DRD3: variants seen among roughly 807,000 people sequenced by gnomAD.
DRD3 encodes the protein D(3) dopamine receptor.
In DRD3, 19 loss-of-function variants were observed where a neutral mutation model predicts 36.3. The observed-to-expected ratio is 0.52, with a 90% confidence interval of 0.36 to 0.77. The LOEUF (loss-of-function observed/expected upper bound fraction) is 0.77. Ranked by LOEUF, DRD3 falls within the 30% of genes least tolerant of loss-of-function variation. The pLI, the probability that DRD3 is intolerant of heterozygous loss-of-function variation, is 0.00. For synonymous variants in DRD3, 195 were observed against 203.7 expected (o/e 0.96, Z 0.36); for missense variants, 465 against 505.3 (o/e 0.92, Z 0.77).
intron 4 of DRD3, 151 bp from the exon 5 acceptor site, chr3:114,139,847 G>T (rs918801611): frequency 1.6e-6 from 1 of 642,664 alleles, no homozygotes; most frequent in African/African-American, 1.8e-5. Context: ...ATACTGTCAG[G>T]TCCTTGAGGG....
chr3:114,141,258 T>G (rs1462786068), intron 4 of DRD3, among the ~76,000 whole-genome samples: 1 of 152,100 alleles, frequency 6.6e-6, no homozygotes, highest in Non-Finnish European at 1.5e-5. Flanking sequence ...GGTCTCAAAC[T>G]CCCCACCTCA....
intron 1 of DRD3, chr3:114,176,168 C>T (rs1312761529): frequency 6.6e-6 from 1 of 152,192 alleles, no homozygotes; most frequent in Admixed American, 6.5e-5. Context: ...TTAAGACTTA[C>T]AGAGTTTTAA....
chr3:114,155,629 GCTT>G (rs2077659699), intron 3 of DRD3, among the ~76,000 whole-genome samples: 1 of 152,118 alleles, frequency 6.6e-6, no homozygotes, highest in Non-Finnish European at 1.5e-5. Flanking sequence ...CCAACTCTAG[GCTT>G]GGAAAAGGGA....
At chr3:114,167,411 G>C (rs1559996136) in intron 2 of DRD3, among the ~76,000 whole-genome samples, 1 of 152,236 alleles carries the variant, frequency 6.6e-6, no homozygotes, top group Non-Finnish European at 1.5e-5. Flanking sequence ...GAGGAAATCT[G>C]AGACAGAACT....
At chr3:114,147,319 G>A (rs2077577487) in intron 4 of DRD3, 96 bp downstream of exon 4, 1 of 1,474,534 alleles carries the variant, frequency 6.8e-7, no homozygotes, top group Non-Finnish European at 9.3e-7. Flanking sequence ...ACACTGACCG[G>A]GGGTCAGAAA....
chr3:114,192,023 G>A (rs948556071), intron 1 of DRD3, among the ~76,000 whole-genome samples: 1 of 152,202 alleles, frequency 6.6e-6, no homozygotes, highest in Non-Finnish European at 1.5e-5. Context: ...AGAGAGAGGA[G>A]GGGGAAGCTT....
At chr3:114,168,221 T>G (rs7633291) in intron 2 of DRD3, among the ~76,000 whole-genome samples, 31,274 of 152,156 alleles carry the variant, frequency 0.21, 3,360 homozygotes, top group Admixed American at 0.29. Flanking sequence ...GAGTCTAACA[T>G]CAGCTCAGGG....
At chr3:114,164,841 T>C (rs1249883699) in intron 2 of DRD3, among the ~76,000 whole-genome samples, 1 of 152,206 alleles carries the variant, frequency 6.6e-6, no homozygotes, top group African/African-American at 2.4e-5. Context: ...AATCTCCACC[T>C]CCCGGGTTCA....
intron 1 of DRD3, among the ~76,000 whole-genome samples, chr3:114,192,979 A>T (rs1283430960): frequency 6.6e-6 from 1 of 152,166 alleles, no homozygotes. Flanking sequence ...GCGACAAAAC[A>T]AAACAAACAA....
At chr3:114,130,827 T>C (rs1299306927) in intron 6 of DRD3, among the ~76,000 whole-genome samples, 3 of 152,234 alleles carry the variant, frequency 2.0e-5, no homozygotes, top group Admixed American at 6.5e-5. Flanking sequence ...ATATCCAATA[T>C]GTACCAGACA....
intron 4 of DRD3, 139 bp from the exon 5 acceptor site, chr3:114,139,835 G>A (rs1365954654): frequency 1.6e-5 from 11 of 708,838 alleles, no homozygotes; most frequent in South Asian, 6.3e-5. Flanking sequence ...TCTCAGATAC[G>A]TATACTGTCA....
intron 1 of DRD3, among the ~76,000 whole-genome samples, chr3:114,185,813 C>G (rs952284875): frequency 1.3e-5 from 2 of 152,068 alleles, no homozygotes; most frequent in African/African-American, 4.8e-5. Flanking sequence ...GTAGCTAGGA[C>G]TACAGGCTAC....
At chr3:114,166,695 G>A (rs773454556) in intron 2 of DRD3, among the ~76,000 whole-genome samples, 2 of 152,166 alleles carry the variant, frequency 1.3e-5, no homozygotes, top group African/African-American at 2.4e-5. Context: ...CCTAATGAAC[G>A]TTTAGCTCAG....
At chr3:114,186,871 CCT>C (rs1491383483) in intron 1 of DRD3, among the ~76,000 whole-genome samples, 22 of 152,182 alleles carry the variant, frequency 1.4e-4, no homozygotes, top group African/African-American at 5.3e-4. Flanking sequence ...GAAATCATCC[CCT>C]TTTTTCCATT....
At chr3:114,147,383 A>G in intron 4 of DRD3, 32 bp downstream of exon 4, 1 of 1,603,076 alleles carries the variant, frequency 6.2e-7, no homozygotes, top group African/African-American at 1.3e-5. Flanking sequence ...TGTGAATCAC[A>G]TGGATGCTAG....
intron 3 of DRD3, among the ~76,000 whole-genome samples, chr3:114,151,880 T>C (rs750763793): frequency 3.3e-5 from 5 of 152,222 alleles, no homozygotes; most frequent in African/African-American, 7.2e-5. Context: ...GAAGTCAGCA[T>C]GGCAAGGGTG....
chr3:114,167,616 G>A (rs532096676), intron 2 of DRD3, among the ~76,000 whole-genome samples: 2 of 152,212 alleles, frequency 1.3e-5, no homozygotes, highest in East Asian at 3.9e-4. Context: ...CCTTATATAT[G>A]CCCAAGTGAA....
rs141573183 is a variant in DRD3 at position 114,147,499 on chromosome 3, G to A, written c.442C>T (p.Arg148Trp). ...GCCGTGATCATGAGGGCCACGCGCCGACAGGAGCTCTGTCCCGTGCCATGC... is the reference window on the plus strand; with the variant it reads ...GCCGTGATCATGAGGGCCACGCGCCAACAGGAGCTCTGTCCCGTGCCATGC... ...YQHGTGQSSC[R>W]RVALMITAVW... The change falls in exon 4 of 7, where the codon CGG (arginine) becomes TGG (tryptophan). Residue 148 changes from arginine (R) to tryptophan (W), a missense_variant. Transcript: ENST00000383673. 170 of 1,613,960 alleles carry A rather than the reference G, an allele frequency of 1.1e-4. No individual in the cohort carries two copies. Among genetic ancestry groups the A allele is most frequent in the Non-Finnish European group, 1.4e-4 (164 of 1,180,014 alleles).
intron 3 of DRD3, 135 bp from the exon 4 acceptor site, chr3:114,147,692 A>G: frequency 9.6e-7 from 1 of 1,041,612 alleles, no homozygotes; most frequent in East Asian, 2.6e-5. Flanking sequence ...TGGCATGATT[A>G]CTGTTCACTG....
Sources: allele counts gnomAD v4.1 joint callset (sites outside exome capture counted in the v4.1 genomes callset), GRCh38; gene constraint gnomAD v4.1.1; transcripts MANE v1.5; gene names NCBI Gene and HGNC (gene_info 2026-07-23, HGNC 2026-07-21).